DDX43: variants seen among roughly 807,000 people sequenced by gnomAD.
DDX43 encodes the protein DEAD-box helicase 43.
A neutral mutation model predicts 84.9 loss-of-function variants in DDX43; 50 were observed. That is an observed-to-expected ratio of 0.59 (90% confidence interval 0.47 to 0.75). The LOEUF (loss-of-function observed/expected upper bound fraction) is 0.75, where lower values mean the gene tolerates loss of function less well. Among genes scored for constraint, DDX43 ranks in the 30% least tolerant of loss-of-function variants. The probability of loss-of-function intolerance (pLI) is 0.00; values close to 1 mark genes in which losing one functional copy is unlikely to be tolerated. For missense variants in DDX43, 689 were observed against 798.6 expected (o/e 0.86, Z 1.65); for synonymous variants, 291 against 266.3 (o/e 1.09, Z -0.90).
intron 2 of DDX43, 187 bp downstream of exon 2, chr6:73,397,931 G>A (rs763290913): frequency 3.1e-5 from 13 of 423,216 alleles, no homozygotes; most frequent in Non-Finnish European, 4.6e-5. Flanking sequence ...CTGAGTAGCT[G>A]GAATTACGGG....
At chr6:73,397,941 G>A (rs1239836658) in intron 2 of DDX43, 197 bp downstream of exon 2, 1 of 419,404 alleles carries the variant, frequency 2.4e-6, no homozygotes, top group East Asian at 3.8e-5. Flanking sequence ...GGAATTACGG[G>A]TTCCCACCAC....
In DDX43 at chr6:73,407,515, C is replaced by T. The variant is rs944900886; in HGVS notation, c.937C>T (p.Gln313Ter). Residue 313 changes from glutamine to a stop codon, truncating the protein, a stop_gained, in exon 8 of 17, where the codon CAA (glutamine) becomes TAA (stop). Transcript: ENST00000370336. LOFTEE classifies it high-confidence loss of function. ...HLVLQPSLKGQRNRPGMLVLT... is the reference protein window; with the variant it reads ...HLVLQPSLKG ...GTTTTCTCTCCAAAGCCTTAAAGGT[C>T]AAAGGAATAGACCCGGCATGTTAGT... The T allele has an allele frequency of 6.2e-7, 1 of 1,610,508 alleles. No homozygotes were observed. The highest frequency in any genetic ancestry group is 2.2e-5 in the East Asian group (1 of 44,842).
chr6:73,410,852 C>T (rs977551457), intron 10 of DDX43, among the ~76,000 whole-genome samples: 1 of 152,120 alleles, frequency 6.6e-6, no homozygotes, highest in Admixed American at 6.5e-5. Context: ...CCTAAGCCTC[C>T]CAAAGTGCTG....
At chr6:73,411,175 CAAAAAAAA>C (rs34679802) in intron 10 of DDX43, among the ~76,000 whole-genome samples, 6 of 49,294 alleles carry the variant, frequency 1.2e-4, no homozygotes, top group African/African-American at 2.6e-4. Context: ...GACTCCATCT[CAAAAAAAA>C]AAAAAAAAAA....
intron 1 of DDX43, 145 bp downstream of exon 1, chr6:73,395,300 G>A: frequency 9.2e-7 from 1 of 1,092,838 alleles, no homozygotes; most frequent in Non-Finnish European, 1.3e-6. Flanking sequence ...TGTAAAACCT[G>A]GGGATAGAGT....
chr6:73,397,725 C>T lies in DDX43; in HGVS notation c.287C>T (p.Thr96Ile), dbSNP rs1398313324. 6.2e-7 allele frequency: 1 copy of T among 1,613,566 alleles called. No individual in the cohort carries two copies. The highest frequency in any genetic ancestry group is 8.5e-7 in the Non-Finnish European group (1 of 1,179,686). Residue 96 changes from threonine to isoleucine, a missense_variant, in exon 2 of 17, where the codon ACA (threonine) becomes ATA (isoleucine). This residue lies in a region of DDX43 where 552 missense variants were observed against 692.7 expected (regional missense o/e 0.80). Transcript: ENST00000370336. Reference protein sequence around the residue: ...GGSKIKNIQSTTNTTIQIIQE... With the variant: ...GGSKIKNIQSITNTTIQIIQE... Reference sequence around the variant, plus strand: ...TCAAAAATAAAGAATATACAAAGTACAACAAACACCACAATCCAAGTAAGC... The same window carrying T: ...TCAAAAATAAAGAATATACAAAGTATAACAAACACCACAATCCAAGTAAGC...
intron 9 of DDX43, 55 bp downstream of exon 9, chr6:73,408,156 C>G (rs748705530): frequency 1.3e-5 from 21 of 1,577,834 alleles, no homozygotes; most frequent in Non-Finnish European, 1.7e-5. Context: ...CTGAACTGGC[C>G]GGGCGCAGTG....
At chr6:73,412,502 G>C (rs567984012) in intron 11 of DDX43, among the ~76,000 whole-genome samples, 1 of 148,442 alleles carries the variant, frequency 6.7e-6, no homozygotes, top group African/African-American at 2.4e-5. Flanking sequence ...TATATGTATA[G>C]AGAGAGAGAG....
At chr6:73,412,675 G>GCGCA (rs796989895) in intron 11 of DDX43, among the ~76,000 whole-genome samples, 5 of 110,272 alleles carry the variant, frequency 4.5e-5, no homozygotes, top group Non-Finnish European at 2.0e-5. Flanking sequence ...GTGTGCGCGC[G>GCGCA]CGCGTGTGTG....
rs545216397 is a variant in DDX43 at position 73,401,965 on chromosome 6, G to T, written c.543G>T (p.Leu181Phe). The part of the protein sequence containing the change: ...IDWDQIREEG[L>F]KWQKTKWADL... The stretch of plus-strand genomic sequence containing the variant: ...GGGATCAAATTAGAGAGGAAGGTTT[G>T]AAATGGCAAAAAACAAAGTGGGCAG... Residue 181 changes from leucine (L) to phenylalanine (F), a missense_variant, in exon 4 of 17, where the codon TTG (leucine) becomes TTT (phenylalanine). By Grantham distance (22) the Leu-to-Phe change is conservative (BLOSUM62 0). Transcript: ENST00000370336. 4 of 1,614,038 alleles carry T rather than the reference G, an allele frequency of 2.5e-6. No individual in the cohort carries two copies. In the African/African-American group the frequency reaches 5.3e-5, roughly 22 times the overall value.
intron 13 of DDX43, 30 bp from the exon 14 acceptor site, chr6:73,414,518 G>A: frequency 6.3e-7 from 1 of 1,593,168 alleles, no homozygotes. Context: ...TACCAGAATG[G>A]TTCAGTGTTC....
chr6:73,413,967 C>T lies in DDX43; in HGVS notation c.1497-3C>T, dbSNP rs374829728. ...AGAATGCTGAGTTTATCTTTTGCTTCAGTGCGGATCACTTATCAAGTGACC... is the reference window on the plus strand; with the variant it reads ...AGAATGCTGAGTTTATCTTTTGCTTTAGTGCGGATCACTTATCAAGTGACC... On this transcript the variant is annotated splice_polypyrimidine_tract_variant and splice_region_variant and intron_variant, in intron 12 of 16. Transcript: ENST00000370336. 8 of 1,596,606 alleles carry T rather than the reference C, an allele frequency of 5.0e-6. No individual in the cohort carries two copies. The African/African-American group carries it at 1.1e-4, about 21-fold the overall frequency.
intron 6 of DDX43, among the ~76,000 whole-genome samples, 162 bp downstream of exon 6, chr6:73,405,997 A>G (rs968664495): frequency 1.3e-5 from 2 of 152,036 alleles, no homozygotes; most frequent in African/African-American, 4.8e-5. Flanking sequence ...GAGCTGGGAA[A>G]GAAGGAACAG....
intron 7 of DDX43, chr6:73,407,050 G>C (rs1769699696): frequency 6.4e-6 from 1 of 155,258 alleles, no homozygotes; most frequent in Non-Finnish European, 1.4e-5. Context: ...TATATAGAGA[G>C]ACTACTTTTA....
In DDX43 at chr6:73,412,323, A is replaced by C. The variant is rs760392778; in HGVS notation, c.1368+31A>C. The stretch of plus-strand genomic sequence containing the variant: ...CTTTTTTTTATTACTATTGTTTAAC[A>C]TTTCTTATGAAAATTCTGAAGATAG... On this transcript the variant is annotated intron_variant, in intron 11 of 16. Transcript: ENST00000370336. The C allele has an allele frequency of 2.5e-6, 4 of 1,573,350 alleles. No individual in the cohort carries two copies. In the East Asian group the frequency reaches 9.0e-5, roughly 35 times the overall value.
chr6:73,412,660 TGTGTGTGTGCGCGCGCGC>T (rs1253368556), intron 11 of DDX43, among the ~76,000 whole-genome samples: 3 of 89,630 alleles, frequency 3.3e-5, no homozygotes, highest in Non-Finnish European at 7.2e-5. Context: ...TGTGTGTGTG[TGTGTGTGTGCGCGCGCGC>T]GTGTGTGTGT....
intron 11 of DDX43, 135 bp from the exon 12 acceptor site, chr6:73,413,523 G>C (rs1769843890): frequency 1.3e-6 from 1 of 769,168 alleles, no homozygotes; most frequent in Non-Finnish European, 1.9e-6. Context: ...AATTTTTTTA[G>C]GACGTCTGCC....
At position 73,417,426 on chromosome 6, in the gene DDX43, A is replaced by G. The variant is rs1769924884; in HGVS notation, c.*265A>G. On this transcript the variant is annotated 3_prime_UTR_variant, in exon 17 of 17. Transcript: ENST00000370336. ...TTTAATCTTTTAAACTGTCTCCTGT[A>G]ATTTTGCTGTATGTCATAAGGCCAG... 1 of 152,168 alleles carries G rather than the reference A, an allele frequency of 6.6e-6. No individual in the cohort carries two copies. Among genetic ancestry groups the G allele is most frequent in the South Asian group, 2.1e-4 (1 of 4,838 alleles). The allele number at this position is 152,168 out of a possible 1,614,324, so 9.4% of individuals were successfully genotyped here. A position where few individuals can be genotyped will look rare whatever the true frequency, so the allele number is the denominator to read the frequency against.
intron 6 of DDX43, among the ~76,000 whole-genome samples, chr6:73,406,117 A>G (rs1769677487): frequency 2.7e-5 from 4 of 150,850 alleles, no homozygotes; most frequent in Admixed American, 2.0e-4. Flanking sequence ...TCTGTCTCCC[A>G]GGTTCAAGCA....
Sources: gnomAD v4.1 joint callset for allele counts (sites outside exome capture counted in the v4.1 genomes callset) on GRCh38, gnomAD v4.1.1 for gene constraint, gnomAD v4.1.1 regional missense constraint, MANE v1.5 for transcripts, NCBI Gene and HGNC (gene_info 2026-07-23, HGNC 2026-07-21) for gene names.